B4GALT1: variants seen among roughly 807,000 people sequenced by gnomAD.
The protein encoded by B4GALT1 is N-acetyllactosamine synthase.
Under a neutral mutation model 34.9 loss-of-function variants are expected in B4GALT1, and 16 were observed. The observed-to-expected ratio is 0.46, with a 90% CI of 0.31 to 0.70. B4GALT1 has a LOEUF of 0.70. Among genes scored for constraint, B4GALT1 ranks in the 30% least tolerant of loss-of-function variants. B4GALT1 has a pLI of 0.05. For missense variants in B4GALT1, 445 were observed against 530.5 expected, an observed-to-expected ratio of 0.84 and a Z score of 1.58; for synonymous variants, 221 against 218.1, an observed-to-expected ratio of 1.01 and a Z score of -0.12.
At chr9:33,120,630 A>G (rs367860205) in intron 2 of B4GALT1, 24 bp from the exon 3 acceptor site, 157 of 1,613,012 alleles carry the variant, frequency 9.7e-5, no homozygotes, top group Non-Finnish European at 1.3e-4. Context: ...AAAAACAGTG[A>G]TATCAAATGC....
chr9:33,113,553 C>T lies in B4GALT1; in HGVS notation c.1098G>A (p.Met366Ile), dbSNP rs1365730497. ...FDRIAHTKET[M>I]LSDGLNSLTY... ...TGAGTGAGTTCAAACCATCAGAGAG[C>T]ATTGTCTCCTTTGTGTGTGCAATTC... Residue 366 changes from methionine to isoleucine, a missense_variant, in exon 6 of 6, where the codon ATG (methionine) becomes ATA (isoleucine). Coordinates refer to ENST00000379731, the MANE Select transcript of B4GALT1 (RefSeq NM_001497.4). 6.2e-7 allele frequency: 1 copy of T among 1,614,248 alleles called. No homozygotes were observed.
chr9:33,164,561 G>C (rs1020988200), intron 1 of B4GALT1, among the ~76,000 whole-genome samples: 4 of 152,208 alleles, frequency 2.6e-5, no homozygotes, highest in African/African-American at 9.6e-5. Flanking sequence ...TTCTTTCTCA[G>C]GAAGTCCTTT....
At chr9:33,126,643 A>C (rs1840106111) in intron 2 of B4GALT1, among the ~76,000 whole-genome samples, 3 of 152,248 alleles carry the variant, frequency 2.0e-5, no homozygotes, top group Admixed American at 6.5e-5. Flanking sequence ...TAACATTGTT[A>C]ACTATTGTTA....
At chr9:33,155,819 T>C (rs1057082982) in intron 1 of B4GALT1, among the ~76,000 whole-genome samples, 1 of 152,178 alleles carries the variant, frequency 6.6e-6, no homozygotes, top group African/African-American at 2.4e-5. Context: ...TAGGCATTGA[T>C]CAAAAGACAT....
upstream of B4GALT1, among the ~76,000 whole-genome samples, chr9:33,168,391 A>G (rs989190077): frequency 6.6e-6 from 1 of 152,230 alleles, no homozygotes; most frequent in Non-Finnish European, 1.5e-5. Flanking sequence ...AGAAAGACTC[A>G]TGGAGGTGCT....
At chr9:33,157,565 T>C (rs1840614142) in intron 1 of B4GALT1, among the ~76,000 whole-genome samples, 3 of 152,244 alleles carry the variant, frequency 2.0e-5, no homozygotes, top group Non-Finnish European at 4.4e-5. Flanking sequence ...GCAAACAGTT[T>C]CACTCTACAA....
chr9:33,166,937 C>G lies in B4GALT1; in HGVS notation c.233G>C (p.Arg78Pro). Residue 78 changes from arginine to proline, a missense_variant, in exon 1 of 6, where the codon CGG (arginine) becomes CCG (proline). This residue lies in a region of B4GALT1 where 349 missense variants were observed against 395.5 expected (regional missense o/e 0.88). Transcript: ENST00000379731. Reference sequence around the variant, plus strand: ...AGGCGGCGGCCGGGCCCCTCCGGTCCGGAGCTCCCCGGAGGACTGCCCGAT... The same window carrying G: ...AGGCGGCGGCCGGGCCCCTCCGGTCGGGAGCTCCCCGGAGGACTGCCCGAT... ...AAIGQSSGELRTGGARPPPPL... is the reference protein window; with the variant it reads ...AAIGQSSGELPTGGARPPPPL... The G allele has an allele frequency of 6.4e-7, 1 of 1,570,640 alleles. No homozygotes were observed. The highest frequency in any genetic ancestry group is 8.6e-7 in the Non-Finnish European group (1 of 1,165,404).
At chr9:33,160,581 A>G (rs577878374) in intron 1 of B4GALT1, among the ~76,000 whole-genome samples, 6 of 152,310 alleles carry the variant, frequency 3.9e-5, no homozygotes, top group African/African-American at 1.2e-4. Flanking sequence ...AGCCTAGGCA[A>G]CATGGCAAAA....
At chr9:33,132,791 T>C (rs1000190044) in intron 2 of B4GALT1, among the ~76,000 whole-genome samples, 2 of 152,242 alleles carry the variant, frequency 1.3e-5, no homozygotes, top group Non-Finnish European at 2.9e-5. Context: ...TATCTAGACG[T>C]AGCATCCCAC....
intron 1 of B4GALT1, among the ~76,000 whole-genome samples, chr9:33,141,171 G>C (rs1195539826): frequency 6.6e-6 from 1 of 152,140 alleles, no homozygotes; most frequent in African/African-American, 2.4e-5. Flanking sequence ...GGCATGCAGG[G>C]GTTGGTAGGG....
chr9:33,112,633 AAATT>A lies in B4GALT1; in HGVS notation c.*817_*820del, dbSNP rs1480107091. The A allele has an allele frequency of 3.9e-5, 6 of 152,694 alleles. No homozygotes were observed. Among genetic ancestry groups the A allele is most frequent in the African/African-American group, 1.4e-4 (6 of 41,460 alleles). 9.5% of individuals were successfully genotyped at this position (152,694 alleles called of 1,614,324 possible). ...GTTTACATAGCATGCCAAGAAAAAT[AAATT>A]GTCATGACTTAACATTAAACAGCTA... On this transcript the variant is annotated 3_prime_UTR_variant, in exon 6 of 6. Transcript: ENST00000379731.
At chr9:33,119,483 G>T (rs1363895100) in intron 3 of B4GALT1, among the ~76,000 whole-genome samples, 1 of 152,240 alleles carries the variant, frequency 6.6e-6, no homozygotes. Flanking sequence ...TTGGAAGGCT[G>T]AGGTGAGAGG....
intron 1 of B4GALT1, among the ~76,000 whole-genome samples, chr9:33,164,369 A>T (rs910457015): frequency 5.3e-5 from 8 of 152,174 alleles, no homozygotes; most frequent in African/African-American, 1.9e-4. Flanking sequence ...ATAGCCAGGA[A>T]CCTCCATTCT....
In B4GALT1 at chr9:33,112,716, GTTCT is replaced by G. The variant is rs537888935; in HGVS notation, c.*734_*737del. 1,496 of 152,830 alleles carry G rather than the reference GTTCT, an allele frequency of 9.8e-3. 8 individuals carry two copies. The highest frequency in any genetic ancestry group is 0.017 in the Middle Eastern group (5 of 294). The allele number at this position is 152,830 out of a possible 1,614,324, so 9.5% of individuals were successfully genotyped here. The stretch of plus-strand genomic sequence containing the variant: ...CTAGATCATAATTAGAACTCGATCT[GTTCT>G]TTCTTTAAAATACTACAAACTACTA... On this transcript the variant is annotated 3_prime_UTR_variant, in exon 6 of 6. Coordinates refer to ENST00000379731, the MANE Select transcript of B4GALT1 (RefSeq NM_001497.4).
intron 2 of B4GALT1, among the ~76,000 whole-genome samples, chr9:33,130,649 A>G (rs551575331): frequency 4.0e-5 from 6 of 151,718 alleles, no homozygotes; most frequent in African/African-American, 1.5e-4. Flanking sequence ...AGTATGAGTC[A>G]TAACAACTTG....
the B4GALT1 span, chr9:33,179,683 T>C: frequency 7.2e-5 from 11 of 152,254 alleles, no homozygotes; most frequent in Non-Finnish European, 1.2e-4. Context: ...TAGCAACATA[T>C]GAAGACCAAC....
chr9:33,161,907 C>T (rs1249969175), intron 1 of B4GALT1, among the ~76,000 whole-genome samples: 4 of 152,150 alleles, frequency 2.6e-5, no homozygotes, highest in African/African-American at 9.7e-5. Context: ...CTGAATAAAC[C>T]TCTTTCACAA....
upstream of B4GALT1, chr9:33,167,395 G>T: frequency 2.2e-6 from 1 of 452,078 alleles, no homozygotes; most frequent in Non-Finnish European, 3.5e-6. Flanking sequence ...CGGCGAAGGC[G>T]GGGGCGGGGC....
At chr9:33,184,624 A>C in the B4GALT1 span, among the ~76,000 whole-genome samples, 1 of 152,340 alleles carries the variant, frequency 6.6e-6, no homozygotes, top group East Asian at 1.9e-4. Flanking sequence ...AGCTGTTAAA[A>C]TGCAGACTCT....
Sources: gnomAD v4.1 joint callset for allele counts (sites outside exome capture counted in the v4.1 genomes callset) on GRCh38, gnomAD v4.1.1 for gene constraint, gnomAD v4.1.1 regional missense constraint, MANE v1.5 for transcripts, NCBI Gene and HGNC (gene_info 2026-07-23, HGNC 2026-07-21) for gene names.